The following PLEKHH2 variants were observed in gnomAD, a reference collection of about 807,000 sequenced individuals.
PLEKHH2 encodes pleckstrin homology, MyTH4 and FERM domain containing H2, also known as pleckstrin homology domain-containing family H member 2.
In PLEKHH2, 129 loss-of-function variants were observed where a neutral mutation model predicts 187.9. The observed-to-expected ratio is 0.69, with a 90% CI of 0.59 to 0.79. PLEKHH2 has a LOEUF of 0.79. Ranked by LOEUF, PLEKHH2 falls within the 30% of genes least tolerant of loss-of-function variation. The pLI is 0.00. For synonymous variants in PLEKHH2, 686 were observed against 605.6 expected (o/e 1.13, Z -1.95); for missense variants, 2,076 against 1,751.2 (o/e 1.19, Z -3.31).
intron 25 of PLEKHH2, among the ~76,000 whole-genome samples, chr2:43,754,205 C>CAAAA (rs148172112): frequency 0.012 from 1,669 of 143,160 alleles, 46 homozygotes; most frequent in African/African-American, 0.039. Flanking sequence ...CACACACACA[C>CAAAA]AAAATTAATA....
intron 27 of PLEKHH2, 128 bp downstream of exon 27, chr2:43,759,157 A>C: frequency 7.4e-7 from 1 of 1,353,204 alleles, no homozygotes; most frequent in Non-Finnish European, 9.8e-7. Flanking sequence ...TAAAGAAAAC[A>C]ATGAAGAGAC....
chr2:43,753,842 C>T, intron 25 of PLEKHH2, 82 bp downstream of exon 25: 1 of 1,147,338 alleles, frequency 8.7e-7, no homozygotes, highest in Non-Finnish European at 1.2e-6. Context: ...AAATAATATA[C>T]TTCAATAATT....
intron 9 of PLEKHH2, 85 bp from the exon 10 acceptor site, chr2:43,706,237 T>G: frequency 1.1e-6 from 1 of 915,472 alleles, no homozygotes; most frequent in South Asian, 1.4e-5. Context: ...TAAATGGAGA[T>G]TATGCTCATT....
At chr2:43,752,292 G>C (rs1672040700) in intron 24 of PLEKHH2, among the ~76,000 whole-genome samples, 1 of 152,084 alleles carries the variant, frequency 6.6e-6, no homozygotes, top group Admixed American at 6.6e-5. Context: ...TCTACTACCA[G>C]TTTAACAATA....
intron 3 of PLEKHH2, among the ~76,000 whole-genome samples, chr2:43,688,183 A>G (rs1306814888): frequency 6.6e-6 from 1 of 152,228 alleles, no homozygotes. Flanking sequence ...TAGAGTAAAC[A>G]TACAGCCTAC....
intron 15 of PLEKHH2, 45 bp from the exon 16 acceptor site, chr2:43,720,624 C>CA: frequency 9.4e-6 from 15 of 1,598,440 alleles, no homozygotes; most frequent in Non-Finnish European, 1.2e-5. Flanking sequence ...TTTAAGGTGT[C>CA]AGAGTTCTGG....
intron 2 of PLEKHH2, among the ~76,000 whole-genome samples, chr2:43,657,632 G>A (rs1449763483): frequency 6.6e-6 from 1 of 152,206 alleles, no homozygotes; most frequent in Non-Finnish European, 1.5e-5. Flanking sequence ...TGGGATAGGA[G>A]TTACTGGATC....
intron 10 of PLEKHH2, 76 bp downstream of exon 10, chr2:43,706,492 A>G (rs1024858687): frequency 4.7e-6 from 5 of 1,070,564 alleles, no homozygotes; most frequent in East Asian, 4.8e-5. Flanking sequence ...TTCAAGCTCC[A>G]GATTCCATTC....
intron 21 of PLEKHH2, among the ~76,000 whole-genome samples, chr2:43,742,301 C>T (rs1175599626): frequency 6.6e-6 from 1 of 151,154 alleles, no homozygotes; most frequent in East Asian, 1.9e-4. Context: ...CATGCCTGGC[C>T]TGAAGACATT....
At chr2:43,728,477 C>CAAAAAAAAAAAA (rs1042037842) in intron 17 of PLEKHH2, among the ~76,000 whole-genome samples, 1 of 56,050 alleles carries the variant, frequency 1.8e-5, no homozygotes, top group African/African-American at 6.5e-5. Flanking sequence ...GACTCTGTCT[C>CAAAAAAAAAAAA]AAAAAAAAAA....
intron 17 of PLEKHH2, 120 bp downstream of exon 17, chr2:43,726,571 C>A: frequency 2.3e-6 from 2 of 864,844 alleles, no homozygotes; most frequent in Middle Eastern, 2.5e-4. Flanking sequence ...TAGACTTTCA[C>A]CTCTGTTTTC....
chr2:43,760,513 C>T (rs1168704124), intron 27 of PLEKHH2, among the ~76,000 whole-genome samples: 2 of 152,092 alleles, frequency 1.3e-5, no homozygotes, highest in Admixed American at 6.6e-5. Flanking sequence ...CAGGCGCACA[C>T]CACCACGCTC....
rs370563487 is a variant in PLEKHH2, at chr2:43,684,435, TA to T, written c.186+5514del. Among the ~76,000 whole-genome samples, 164 of 152,366 alleles carry T rather than the reference TA, an allele frequency of 1.1e-3. 2 individuals are homozygous for T. The East Asian group carries it at 0.029, about 27-fold the overall frequency. On this transcript the variant is annotated intron_variant, in intron 3 of 29. Transcript: ENST00000282406. ...AGGATGGTTTTGTTTTGCCTTAATTTAAAATTCTTAATTCATAATATGTGGC... is the reference window on the plus strand; with the variant it reads ...AGGATGGTTTTGTTTTGCCTTAATTTAAATTCTTAATTCATAATATGTGGC...
chr2:43,702,477 G>T (rs1418745282), intron 8 of PLEKHH2, among the ~76,000 whole-genome samples: 2 of 138,864 alleles, frequency 1.4e-5, no homozygotes, highest in Admixed American at 1.4e-4. Context: ...GATTTTCAGA[G>T]ATTTAGGTTA....
In PLEKHH2 at chr2:43,692,569, A is replaced by C. The variant is rs1668854396; in HGVS notation, c.242A>C (p.Glu81Ala). 6.3e-7 allele frequency: 1 copy of C among 1,599,012 alleles called. No homozygotes were observed. Among genetic ancestry groups the C allele is most frequent in the Non-Finnish European group, 8.6e-7 (1 of 1,167,298 alleles). Residue 81 changes from glutamate to alanine, a missense_variant, in exon 4 of 30, where the codon GAG becomes GCG. By Grantham distance (107) the Glu-to-Ala change is moderately radical. Coordinates refer to ENST00000282406, the MANE Select transcript of PLEKHH2 (RefSeq NM_172069.4). ...KAANIQTSES[E>A]TRLYNKCQDL... is the part of the protein sequence containing the mutation. ...GCTAATATTCAAACCAGTGAATCAGAGACAAGATTATATAATAAGTGTCAA... is the reference window on the plus strand; with the variant it reads ...GCTAATATTCAAACCAGTGAATCAGCGACAAGATTATATAATAAGTGTCAA...
intron 2 of PLEKHH2, among the ~76,000 whole-genome samples, chr2:43,678,444 C>T (rs1296963196): frequency 6.6e-6 from 1 of 152,172 alleles, no homozygotes; most frequent in Non-Finnish European, 1.5e-5. Context: ...GAACGAGGCT[C>T]CGTCTGCAAT....
In PLEKHH2 at chr2:43,700,320, C is replaced by G. The variant is rs12623703; in HGVS notation, c.1362C>G (p.Ala454=). The part of the protein sequence containing the change: ...PNVFSISVAL[A]KRHLSQPQLS... Reference sequence around the variant, plus strand: ...TTTTCAGTATAAGTGTAGCACTAGCCAAAAGGCACTTAAGCCAGCCACAGT... The same window carrying G: ...TTTTCAGTATAAGTGTAGCACTAGCGAAAAGGCACTTAAGCCAGCCACAGT... Residue 454 remains alanine, a synonymous_variant, in exon 8 of 30, where the codon GCC becomes GCG. Transcript: ENST00000282406. The G allele has an allele frequency of 0.15, 235,765 of 1,613,884 alleles. 17,935 individuals carry two copies. The highest frequency in any genetic ancestry group is 0.21 in the Admixed American group (12,782 of 59,994).
At chr2:43,758,874 G>C in intron 26 of PLEKHH2, 26 bp from the exon 27 acceptor site, 1 of 1,557,706 alleles carries the variant, frequency 6.4e-7, no homozygotes, top group South Asian at 1.2e-5. Context: ...TAGTGTTTTT[G>C]TTTTTGTTCT....
intron 24 of PLEKHH2, among the ~76,000 whole-genome samples, chr2:43,749,888 G>A (rs1277833311): frequency 6.6e-6 from 1 of 152,150 alleles, no homozygotes; most frequent in African/African-American, 2.4e-5. Flanking sequence ...ATTTTAAATG[G>A]ATACTTAACA....
Sources: gnomAD v4.1 joint callset for allele counts (sites outside exome capture counted in the v4.1 genomes callset) on GRCh38, gnomAD v4.1.1 for gene constraint, MANE v1.5 for transcripts, NCBI Gene and HGNC (gene_info 2026-07-23, HGNC 2026-07-21) for gene names.